The following ZNF407 variants were observed in gnomAD, a reference collection of about 807,000 sequenced individuals.
ZNF407 encodes zinc finger protein 407.
Under a neutral mutation model 131.2 loss-of-function variants are expected in ZNF407, and 17 were observed. The ratio of observed to expected loss-of-function variants is 0.13; its 90% CI spans 0.09 to 0.19. The LOEUF (loss-of-function observed/expected upper bound fraction) is 0.19. Among genes scored for constraint, ZNF407 ranks in the 10% least tolerant of loss-of-function variants. The probability of loss-of-function intolerance (pLI) is 1.00; values close to 1 mark genes in which losing one functional copy is unlikely to be tolerated. For synonymous variants in ZNF407, 1,156 were observed against 1,062.0 expected (o/e 1.09, Z -1.72); for missense variants, 2,681 against 2,830.6 (o/e 0.95, Z 1.20).
At chr18:74,750,962 A>G (rs1184344299) in intron 3 of ZNF407, among the ~76,000 whole-genome samples, 1 of 152,064 alleles carries the variant, frequency 6.6e-6, no homozygotes, top group Non-Finnish European at 1.5e-5. Flanking sequence ...TATGTGCTTT[A>G]TATTGCCTAT....
chr18:74,838,772 G>A (rs1970592327), intron 4 of ZNF407, among the ~76,000 whole-genome samples: 1 of 151,954 alleles, frequency 6.6e-6, no homozygotes, highest in African/African-American at 2.4e-5. Flanking sequence ...GTATATGTTG[G>A]GCTATTTGAG....
At chr18:74,755,974 A>G (rs1266060112) in intron 3 of ZNF407, among the ~76,000 whole-genome samples, 1 of 117,298 alleles carries the variant, frequency 8.5e-6, no homozygotes, top group Admixed American at 1.1e-4. Context: ...GCTCATGGCA[A>G]CCTCTGCCTC....
At chr18:74,798,363 AAC>A (rs1230061179) in intron 4 of ZNF407, among the ~76,000 whole-genome samples, 1 of 152,094 alleles carries the variant, frequency 6.6e-6, no homozygotes, top group African/African-American at 2.4e-5. Flanking sequence ...AAAATTGAGA[AAC>A]AGTGAAAAAA....
chr18:74,934,313 TGA>T (rs1359862231), intron 8 of ZNF407, among the ~76,000 whole-genome samples: 1 of 152,214 alleles, frequency 6.6e-6, no homozygotes, highest in African/African-American at 2.4e-5. Flanking sequence ...TTTTTCTCAT[TGA>T]GAGAGTACTT....
At chr18:75,021,281 AT>A (rs1283857969) in intron 8 of ZNF407, among the ~76,000 whole-genome samples, 2 of 150,540 alleles carry the variant, frequency 1.3e-5, no homozygotes, top group African/African-American at 4.9e-5. Flanking sequence ...AAAAAAAAAA[AT>A]AATAAAGACA....
intron 3 of ZNF407, among the ~76,000 whole-genome samples, chr18:74,751,961 T>C (rs564346008): frequency 5.9e-5 from 9 of 152,328 alleles, no homozygotes; most frequent in South Asian, 4.1e-4. Flanking sequence ...ACTTCCACAA[T>C]GGTTGAAGTA....
chr18:74,878,948 C>T (rs1191799482), intron 5 of ZNF407, among the ~76,000 whole-genome samples: 1 of 146,752 alleles, frequency 6.8e-6, no homozygotes, highest in Non-Finnish European at 1.5e-5. Flanking sequence ...AATCAAGCCA[C>T]CCAGGTAAAT....
Position 74,631,522 on chromosome 18 carries a change from TC to T in ZNF407, c.509del (p.Pro170ArgfsTer13). ...VSLDLERESP[F>X]PPKEISVSCT... ...CTTGATCTGGAAAGAGAATCTCCTT[TC>T]CCCCCGAAAGAAATTAGTGTTAGTT... On this transcript the variant is annotated frameshift_variant, in exon 2 of 9. Coordinates refer to ENST00000299687, the MANE Select transcript of ZNF407 (RefSeq NM_017757.3). LOFTEE classifies it high-confidence loss of function. 2 of 1,613,772 alleles carry T rather than the reference TC, an allele frequency of 1.2e-6. No individual in the cohort carries two copies. The highest frequency in any genetic ancestry group is 8.5e-7 in the Non-Finnish European group (1 of 1,179,886).
At position 74,611,099 on chromosome 18, in the gene ZNF407, A is replaced by G. The variant is rs193016548; in HGVS notation, c.-54+13162A>G. Among the ~76,000 whole-genome samples the G allele has an allele frequency of 1.1e-3, 160 of 152,328 alleles. 1 individual carries two copies. Among genetic ancestry groups the G allele is most frequent in the Admixed American group, 3.1e-3 (48 of 15,300 alleles). On this transcript the variant is annotated intron_variant, in intron 1 of 8. Transcript: ENST00000299687. Reference sequence around the variant, plus strand: ...ACAGGAAACTTCCTGAGGGTGGGGTATGTTTTTAATTCACATTACTCACAA... The same window carrying G: ...ACAGGAAACTTCCTGAGGGTGGGGTGTGTTTTTAATTCACATTACTCACAA...
intron 1 of ZNF407, among the ~76,000 whole-genome samples, chr18:74,608,185 C>A (rs1269354884): frequency 6.6e-6 from 1 of 152,184 alleles, no homozygotes. Context: ...ATAATACAAT[C>A]ATTGAAACCA....
chr18:74,968,671 A>G (rs1209812320), intron 8 of ZNF407, among the ~76,000 whole-genome samples: 2 of 152,208 alleles, frequency 1.3e-5, no homozygotes, highest in Admixed American at 6.5e-5. Context: ...ATGTTCCCAC[A>G]TGAGTAATAC....
intron 6 of ZNF407, 137 bp downstream of exon 6, chr18:74,881,256 C>G: frequency 1.5e-6 from 1 of 665,046 alleles, no homozygotes; most frequent in Non-Finnish European, 2.4e-6. Context: ...ACAGATAATT[C>G]CAGTTGAATA....
chr18:74,907,114 A>G (rs916147174), intron 7 of ZNF407, among the ~76,000 whole-genome samples: 1 of 152,194 alleles, frequency 6.6e-6, no homozygotes, highest in African/African-American at 2.4e-5. Flanking sequence ...TTAACTTAAT[A>G]ATGTATCCTA....
chr18:74,702,956 A>G (rs554650897), intron 3 of ZNF407, among the ~76,000 whole-genome samples: 2 of 152,324 alleles, frequency 1.3e-5, no homozygotes, highest in East Asian at 3.9e-4. Flanking sequence ...GGAGCCGATG[A>G]ACATGGGCAG....
chr18:74,752,546 T>C (rs1968830986), intron 3 of ZNF407, among the ~76,000 whole-genome samples: 2 of 152,212 alleles, frequency 1.3e-5, no homozygotes, highest in African/African-American at 4.8e-5. Context: ...TGAATTAATT[T>C]TTGTATAGGG....
chr18:74,832,518 G>A (rs1028202673), intron 4 of ZNF407, among the ~76,000 whole-genome samples: 10 of 151,632 alleles, frequency 6.6e-5, no homozygotes, highest in African/African-American at 2.4e-4. Context: ...GCAGTAGTAT[G>A]ATTATAGCTC....
chr18:74,738,258 A>G (rs1441785105), intron 3 of ZNF407, among the ~76,000 whole-genome samples: 1 of 151,696 alleles, frequency 6.6e-6, no homozygotes, highest in Non-Finnish European at 1.5e-5. Context: ...TGTCTCTACT[A>G]AAAATACAAA....
intron 3 of ZNF407, among the ~76,000 whole-genome samples, chr18:74,688,243 G>A (rs912855348): frequency 2.6e-5 from 4 of 152,160 alleles, no homozygotes; most frequent in Non-Finnish European, 5.9e-5. Flanking sequence ...TCAGTTACAC[G>A]TTGCAAGGTT....
At chr18:74,698,527 T>C (rs1967414661) in intron 3 of ZNF407, among the ~76,000 whole-genome samples, 1 of 152,186 alleles carries the variant, frequency 6.6e-6, no homozygotes, top group Non-Finnish European at 1.5e-5. Context: ...TTGATAGGAG[T>C]ACTCCGTATG....
Sources: allele counts gnomAD v4.1 joint callset (sites outside exome capture counted in the v4.1 genomes callset), GRCh38; gene constraint gnomAD v4.1.1; transcripts MANE v1.5; gene names NCBI Gene and HGNC (gene_info 2026-07-23, HGNC 2026-07-21).